Variants in ETV3 observed in about 807,000 individuals in gnomAD.
The protein encoded by ETV3 is ETS variant transcription factor 3.
A neutral mutation model predicts 33.0 loss-of-function variants in ETV3; 8 were observed. The observed-to-expected ratio is 0.24, with a 90% CI of 0.14 to 0.44. The LOEUF is 0.44. Ranked by LOEUF, ETV3 falls within the 20% of genes least tolerant of loss-of-function variation. The pLI is 1.00. For missense variants in ETV3, 473 were observed against 652.3 expected (o/e 0.73, Z 2.99); for synonymous variants, 222 against 238.9 (o/e 0.93, Z 0.65).
At chr1:157,138,161 C>G (rs528572002) in intron 1 of ETV3, among the ~76,000 whole-genome samples, 155 bp downstream of exon 1, 2 of 152,140 alleles carry the variant, frequency 1.3e-5, no homozygotes, top group Admixed American at 1.3e-4. Context: ...CAGACAGACA[C>G]GGGATCCCAC....
rs559896510 is a variant in ETV3 at position 157,123,844 on chromosome 1, A to G, written c.*997T>C. 1 of 149,024 alleles carries G rather than the reference A, an allele frequency of 6.7e-6. No individual in the cohort carries two copies. Among genetic ancestry groups the G allele is most frequent in the East Asian group, 1.9e-4 (1 of 5,130 alleles). The allele number at this position is 149,024 out of a possible 1,614,324, so 9.2% of individuals were successfully genotyped here. A position where few individuals can be genotyped will look rare whatever the true frequency, so the allele number is the denominator to read the frequency against. On this transcript the variant is annotated 3_prime_UTR_variant, in exon 5 of 5. Transcript: ENST00000368192. ...TGACTTAAGAAAATAAGAGAACCAG[A>G]CATAATGGAAAGACCTCTTCAATAA... is the stretch of plus-strand genomic sequence containing the variant.
At position 157,124,544 on chromosome 1, in the gene ETV3, C is replaced by T. The variant is rs1185265846; in HGVS notation, c.*297G>A. 1.2e-5 allele frequency: 3 copies of T among 257,384 alleles called. No homozygotes were observed. The highest frequency in any genetic ancestry group is 2.2e-5 in the Non-Finnish European group (3 of 136,548). The allele number at this position is 257,384 out of a possible 1,614,324, so 15.9% of individuals were successfully genotyped here. A position where few individuals can be genotyped will look rare whatever the true frequency, so the allele number is the denominator to read the frequency against. On this transcript the variant is annotated 3_prime_UTR_variant, in exon 5 of 5. Transcript: ENST00000368192. The stretch of plus-strand genomic sequence containing the variant: ...TCATGGGACCAAAAAGTATCTTGGC[C>T]CTTTGGGAGTTTCCTTGTCAGAAAG...
intron 1 of ETV3, among the ~76,000 whole-genome samples, chr1:157,138,046 A>G (rs1228434205): frequency 6.6e-6 from 1 of 152,118 alleles, no homozygotes; most frequent in African/African-American, 2.4e-5. Context: ...CACAGCCCCC[A>G]GAACCTCCTT....
At chr1:157,135,268 G>A (rs1318255467) in intron 3 of ETV3, 1 of 656,034 alleles carries the variant, frequency 1.5e-6, no homozygotes, top group Non-Finnish European at 2.6e-6. Context: ...CCCCTCCTAC[G>A]TATAACCAAA....
chr1:157,128,579 AGTACATCCTT>A (rs1674896813), intron 4 of ETV3: 1 of 236,232 alleles, frequency 4.2e-6, no homozygotes, highest in Non-Finnish European at 8.8e-6. Context: ...AATCCCAAGA[AGTACATCCTT>A]GGAACAAAAA....
In ETV3 at chr1:157,124,689, C is replaced by G. The variant is rs1168244272; in HGVS notation, c.*152G>C. The G allele has an allele frequency of 9.1e-6, 7 of 767,038 alleles. No individual in the cohort carries two copies. Among genetic ancestry groups the G allele is most frequent in the South Asian group, 2.1e-5 (1 of 48,584 alleles). The allele number at this position is 767,038 out of a possible 1,614,324, so 47.5% of individuals were successfully genotyped here. A position where few individuals can be genotyped will look rare whatever the true frequency, so the allele number is the denominator to read the frequency against. ...CACCTAATTTACAACAGAAGATAACCCCATCCCATCCCCAAAACATAAAAA... is the reference window on the plus strand; with the variant it reads ...CACCTAATTTACAACAGAAGATAACGCCATCCCATCCCCAAAACATAAAAA... On this transcript the variant is annotated 3_prime_UTR_variant, in exon 5 of 5. Coordinates refer to ENST00000368192, the MANE Select transcript of ETV3 (RefSeq NM_001145312.3).
At position 157,125,395 on chromosome 1, in the gene ETV3, G is replaced by T; in HGVS notation, c.985C>A (p.Pro329Thr). Residue 329 changes from proline (P) to threonine (T), a missense_variant, in exon 5 of 5, where the codon CCA becomes ACA. Pro to Thr is a conservative substitution (Grantham distance 38). Coordinates refer to ENST00000368192, the MANE Select transcript of ETV3 (RefSeq NM_001145312.3). This position sits in a 1 kb window ranked among gnomAD's most constrained non-coding sequence, Gnocchi z 4.0. ...FPRYPGLMVPPLQCQMHPEES... is the reference protein window; with the variant it reads ...FPRYPGLMVPTLQCQMHPEES... ...TCAGGATGCATTTGGCACTGCAGTG[G>T]TGGAACCATGAGCCCTGGGTAACGG... 1 of 1,552,160 alleles carries T rather than the reference G, an allele frequency of 6.4e-7. No homozygotes were observed. Among genetic ancestry groups the T allele is most frequent in the Non-Finnish European group, 8.7e-7 (1 of 1,147,102 alleles).
At chr1:157,130,396 A>G (rs1376519630) in intron 4 of ETV3, among the ~76,000 whole-genome samples, 1 of 152,190 alleles carries the variant, frequency 6.6e-6, no homozygotes, top group Non-Finnish European at 1.5e-5. Context: ...GCTTAGAAAA[A>G]AAGTTTGCTG....
In ETV3 at chr1:157,122,660, C is replaced by T. The variant is rs927178070; in HGVS notation, c.*2181G>A. 1.3e-5 allele frequency: 2 copies of T among 152,168 alleles called. No homozygotes were observed. The highest frequency in any genetic ancestry group is 4.8e-5 in the African/African-American group (2 of 41,432). The allele number at this position is 152,168 out of a possible 1,614,324, so 9.4% of individuals were successfully genotyped here. On this transcript the variant is annotated 3_prime_UTR_variant, in exon 5 of 5. Transcript: ENST00000368192. ...CATACCAACACCTGCTAGCTCTCCC[C>T]TCTAGCGGACAGTGGGTGGCCAGCC...
intron 4 of ETV3, among the ~76,000 whole-genome samples, chr1:157,129,851 T>C (rs1364380016): frequency 1.3e-5 from 2 of 152,098 alleles, no homozygotes; most frequent in Non-Finnish European, 2.9e-5. Flanking sequence ...AGTTTTGTTT[T>C]GTTTTTTTTT....
intron 3 of ETV3, 68 bp from the exon 4 acceptor site, chr1:157,134,295 C>A: frequency 1.3e-6 from 2 of 1,545,956 alleles, no homozygotes; most frequent in Non-Finnish European, 1.7e-6. Context: ...ACTTAGGTAG[C>A]CACTGAGACC....
At position 157,122,397 on chromosome 1, in the gene ETV3, G is replaced by C. The variant is rs1674725664; in HGVS notation, c.*2444C>G. 6.6e-6 allele frequency: 1 copy of C among 152,100 alleles called. No homozygotes were observed. Among genetic ancestry groups the C allele is most frequent in the African/African-American group, 2.4e-5 (1 of 41,414 alleles). The allele number at this position is 152,100 out of a possible 1,614,324, so 9.4% of individuals were successfully genotyped here. ...CAAATCAACCAACAATTTACTGGTG[G>C]AATGGCAATCAAAGGAAACAGTTAA... On this transcript the variant is annotated 3_prime_UTR_variant, in exon 5 of 5. Transcript: ENST00000368192.
At position 157,125,857 on chromosome 1, in the gene ETV3, T is replaced by G; in HGVS notation, c.523A>C (p.Thr175Pro). The G allele has an allele frequency of 6.4e-7, 1 of 1,551,632 alleles. No individual in the cohort carries two copies. The highest frequency in any genetic ancestry group is 1.2e-5 in the South Asian group (1 of 84,048). The change falls in exon 5 of 5, where the codon ACT (threonine) becomes CCT (proline). Residue 175 changes from threonine (T) to proline (P), a missense_variant. Around this residue, in one of 3 missense-constraint regions of ETV3, gnomAD observed 410 missense variants for 520.2 expected, o/e 0.79. Transcript: ENST00000368192. This position sits in a 1 kb window ranked among gnomAD's most constrained non-coding sequence, Gnocchi z 4.0. ...TTACTGGACTCCTGGCCAGAAGCAGTTAGGGAGCTAGCAGAGAACCGTCCC... is the reference window on the plus strand; with the variant it reads ...TTACTGGACTCCTGGCCAGAAGCAGGTAGGGAGCTAGCAGAGAACCGTCCC... The part of the protein sequence containing the change: ...QPGRFSASSL[T>P]ASGQESSNGT...
intron 4 of ETV3, among the ~76,000 whole-genome samples, chr1:157,132,002 G>A (rs142441697): frequency 6.5e-4 from 99 of 152,262 alleles, no homozygotes; most frequent in African/African-American, 2.2e-3. Context: ...TCTCGCTGTC[G>A]CCCAGGCTGG....
At chr1:157,131,485 G>A (rs1674967204) in intron 4 of ETV3, among the ~76,000 whole-genome samples, 3 of 152,086 alleles carry the variant, frequency 2.0e-5, no homozygotes, top group Admixed American at 2.0e-4. Flanking sequence ...TAAACTGTAA[G>A]TTCCGTGAGG....
chr1:157,126,868 G>T (rs1479091754), intron 4 of ETV3, among the ~76,000 whole-genome samples: 1 of 150,538 alleles, frequency 6.6e-6, no homozygotes, highest in East Asian at 2.0e-4. Context: ...TGCCCTGGCT[G>T]ACTGTGGGGA....
At chr1:157,128,842 T>C (rs1339658372) in intron 4 of ETV3, among the ~76,000 whole-genome samples, 5 of 152,196 alleles carry the variant, frequency 3.3e-5, no homozygotes, top group Admixed American at 1.3e-4. Context: ...ATGAATATGT[T>C]TGGCTTTTGG....
In ETV3 at chr1:157,134,172, T is replaced by G. The variant is rs1675039458; in HGVS notation, c.340A>C (p.Lys114Gln). Residue 114 changes from lysine to glutamine, a missense_variant, in exon 4 of 5, where the codon AAA becomes CAA. Lys to Gln is a moderately conservative substitution (Grantham distance 53). Coordinates refer to ENST00000368192, the MANE Select transcript of ETV3 (RefSeq NM_001145312.3). ...HKTKGKRFTY[K>Q]FNFNKLVMPN... Reference sequence around the variant, plus strand: ...ATCACCAGCTTGTTGAAGTTAAATTTATAGGTAAATCTTTTCCCTTTTGTT... The same window carrying G: ...ATCACCAGCTTGTTGAAGTTAAATTGATAGGTAAATCTTTTCCCTTTTGTT... 2 of 1,614,088 alleles carry G rather than the reference T, an allele frequency of 1.2e-6. No homozygotes were observed. The highest frequency in any genetic ancestry group is 4.5e-5 in the East Asian group (2 of 44,870).
At chr1:157,127,133 C>G (rs1674860991) in intron 4 of ETV3, among the ~76,000 whole-genome samples, 1 of 152,226 alleles carries the variant, frequency 6.6e-6, no homozygotes, top group Non-Finnish European at 1.5e-5. Flanking sequence ...AAAAAGCAAA[C>G]AAACCAAACC....
Sources: allele counts gnomAD v4.1 joint callset (sites outside exome capture counted in the v4.1 genomes callset), GRCh38; gene constraint gnomAD v4.1.1; regional missense constraint gnomAD v4.1.1; non-coding constraint Gnocchi (gnomAD v3.1); transcripts MANE v1.5; gene names NCBI Gene and HGNC (gene_info 2026-07-23, HGNC 2026-07-21).